TTN: variants seen among roughly 807,000 people sequenced by gnomAD.
The protein encoded by TTN is titin.
A neutral mutation model predicts 3,223.0 loss-of-function variants in TTN; 1,525 were observed. The ratio of observed to expected loss-of-function variants is 0.47; its 90% CI spans 0.45 to 0.49. TTN has a LOEUF of 0.49. Ranked by LOEUF, TTN falls within the 20% of genes least tolerant of loss-of-function variation. The probability of loss-of-function intolerance (pLI) is 0.00; values close to 1 mark genes in which losing one functional copy is unlikely to be tolerated. For synonymous variants in TTN, 14,094 were observed against 15,161.0 expected, an observed-to-expected ratio of 0.93 and a Z score of 5.17; for missense variants, 40,786 against 43,424.0, an observed-to-expected ratio of 0.94 and a Z score of 5.40.
chr2:178,551,040 A>ATTTCTC lies in TTN; in HGVS notation c.91490_91491insGAGAAA (p.Ile30497delinsMetArgAsn). 6.2e-7 allele frequency: 1 copy of ATTTCTC among 1,613,450 alleles called. No individual in the cohort carries two copies. Among genetic ancestry groups the ATTTCTC allele is most frequent in the Non-Finnish European group, 8.5e-7 (1 of 1,179,644 alleles). ...TTATAGTTCCAACAGCATTTCTTGC[A>ATTTCTC]ATTATTCTGAACTCATAGCGATCCC... On this transcript the variant is annotated protein_altering_variant, in exon 336 of 363. Transcript: ENST00000589042.
At chr2:178,697,848 A>T (rs1017222635) in intron 112 of TTN, among the ~76,000 whole-genome samples, 16 of 152,204 alleles carry the variant, frequency 1.1e-4, no homozygotes, top group Non-Finnish European at 5.9e-5. Flanking sequence ...ATCAGGAAAG[A>T]TACTGAGGTG....
At chr2:178,763,934 A>ATT (rs35168948) in intron 43 of TTN, among the ~76,000 whole-genome samples, 3 of 151,974 alleles carry the variant, frequency 2.0e-5, no homozygotes, top group Non-Finnish European at 4.4e-5. Context: ...AAAAACACTA[A>ATT]TTTTTTTATT....
Position 178,783,757 on chromosome 2 carries a change from G to C in TTN, c.2804C>G (p.Pro935Arg), listed in dbSNP as rs750633913. The C allele has an allele frequency of 3.1e-6, 5 of 1,612,784 alleles. 1 individual carries two copies. In the South Asian group the frequency reaches 5.5e-5, roughly 18 times the overall value. ...KVTETARVPA[P>R]VEIPVTPPTL... ...TGGTGGAGTAACAGGAATTTCAACA[G>C]GTGCTGGTACTCTTGCTGTTTCTGT... Residue 935 changes from proline (P) to arginine (R), a missense_variant, in exon 17 of 363, where the codon CCT becomes CGT. Physicochemically the swap from Pro to Arg is moderately radical, Grantham distance 103. Transcript: ENST00000589042.
rs754606417 is a variant in TTN, at chr2:178,587,885, A to G, written c.63508+14T>C. On this transcript the variant is annotated intron_variant, in intron 305 of 362. Coordinates refer to ENST00000589042, the MANE Select transcript of TTN (RefSeq NM_001267550.2). ...TTAAGTGTGAATGAATCACATGCTAAGGGAAGGACTTACCTAGTATTTCTT... is the reference window on the plus strand; with the variant it reads ...TTAAGTGTGAATGAATCACATGCTAGGGGAAGGACTTACCTAGTATTTCTT... 22 of 1,575,052 alleles carry G rather than the reference A, an allele frequency of 1.4e-5. No homozygotes were observed. The African/African-American group carries it at 2.7e-4, about 19-fold the overall frequency.
chr2:178,705,405 T>C, intron 102 of TTN, 48 bp from the exon 103 acceptor site: 1 of 1,346,060 alleles, frequency 7.4e-7, no homozygotes, highest in African/African-American at 1.5e-5. Flanking sequence ...CTTCTACTTA[T>C]TTTTAATTGT....
chr2:178,588,445 C>T (rs2049517681), intron 304 of TTN, 93 bp downstream of exon 304: 2 of 1,371,798 alleles, frequency 1.5e-6, no homozygotes, highest in Admixed American at 2.5e-5. Flanking sequence ...TTGGATGTTA[C>T]AGATTTAGAT....
chr2:178,532,282 G>A lies in TTN; in HGVS notation c.104333C>T (p.Thr34778Met), dbSNP rs762158917. 23 of 1,613,776 alleles carry A rather than the reference G, an allele frequency of 1.4e-5. No homozygotes were observed. In the Admixed American group the frequency reaches 2.5e-4, roughly 18 times the overall value. ...REDEELLRPVTTTQHLSEYKS... is the reference protein window; with the variant it reads ...REDEELLRPVMTTQHLSEYKS... ...GTATTCTGAGAGATGCTGGGTGGTC[G>A]TAACTGGGCGAAGCAACTCTTCATC... The change falls in exon 358 of 363, where the codon ACG becomes ATG. Residue 34778 changes from threonine (T) to methionine (M), a missense_variant. Thr to Met is a moderately conservative substitution (Grantham distance 81). Coordinates refer to ENST00000589042, the MANE Select transcript of TTN (RefSeq NM_001267550.2).
Position 178,764,660 on chromosome 2 carries a change from G to C in TTN, c.9855C>G (p.Cys3285Trp). Residue 3285 changes from cysteine (C) to tryptophan (W), a missense_variant, in exon 42 of 363, where the codon TGC becomes TGG. Transcript: ENST00000589042. ...EEQLLSTGFK[C>W]KFLHDGQEYT... ...ATTCTTGCCCATCATGAAGAAATTT[G>C]CACTTGAAGCCAGTGGAAAGCAGCT... 6.2e-7 allele frequency: 1 copy of C among 1,614,110 alleles called. No homozygotes were observed. Among genetic ancestry groups the C allele is most frequent in the South Asian group, 1.1e-5 (1 of 91,086 alleles).
rs1345455396 is a variant in TTN, at chr2:178,613,880, G to A, written c.49403C>T (p.Thr16468Ile). The A allele has an allele frequency of 4.3e-6, 7 of 1,611,364 alleles. No homozygotes were observed. The highest frequency in any genetic ancestry group is 3.3e-5 in the Admixed American group (2 of 59,732). The change falls in exon 263 of 363, where the codon ACT (threonine) becomes ATT (isoleucine). Residue 16468 changes from threonine to isoleucine, a missense_variant. Transcript: ENST00000589042. ...EPSDITKDAV[T>I]LTWCEPDDDG... ...ATCATCTGGCTCACACCATGTGAGA[G>A]TCACTGCGTCTTTAGTGATATCAGA...
chr2:178,766,420 C>T lies in TTN; in HGVS notation c.9664G>A (p.Ala3222Thr). 1.2e-6 allele frequency: 2 copies of T among 1,614,066 alleles called. No homozygotes were observed. Among genetic ancestry groups the T allele is most frequent in the Non-Finnish European group, 1.7e-6 (2 of 1,179,954 alleles). ...QSDAGEYTFV[A>T]GRNRSSVTLY... ...GTGACAGAACTCCTGTTCCTTCCTG[C>T]CACAAAGGTGTATTCTCCTGCATCG... The change falls in exon 41 of 363, where the codon GCA (alanine) becomes ACA (threonine). Residue 3222 changes from alanine (A) to threonine (T), a missense_variant. Ala to Thr is a moderately conservative substitution (Grantham distance 58). Coordinates refer to ENST00000589042, the MANE Select transcript of TTN (RefSeq NM_001267550.2).
chr2:178,796,526 G>A (rs561174323), intron 6 of TTN, among the ~76,000 whole-genome samples: 2 of 152,166 alleles, frequency 1.3e-5, no homozygotes, highest in African/African-American at 2.4e-5. Context: ...TTTACATTTT[G>A]TAAATGAAGT....
chr2:178,592,354 A>T, intron 301 of TTN, 25 bp downstream of exon 301: 1 of 1,599,016 alleles, frequency 6.3e-7, no homozygotes, highest in Non-Finnish European at 8.5e-7. Context: ...TTTATTTTTA[A>T]TGGCCTAAGT....
At position 178,779,433 on chromosome 2, in the gene TTN, T is replaced by C. The variant is rs2291308; in HGVS notation, c.3759A>G (p.Arg1253=). ...QEFHISSFEE[R]LIKEIEYRII... is the part of the protein sequence containing the mutation. ...TTCTATATTCAATTTCTTTAATAAG[T>C]CTCTCTTCAAAGGAAGAAATATGGA... Residue 1253 remains arginine, a synonymous_variant, in exon 23 of 363, where the codon AGA becomes AGG. Coordinates refer to ENST00000589042, the MANE Select transcript of TTN (RefSeq NM_001267550.2). 80,645 of 1,563,290 alleles carry C rather than the reference T, an allele frequency of 0.052. 3,615 individuals are homozygous for C. The highest frequency in any genetic ancestry group is 0.2 in the Admixed American group (12,093 of 59,296).
Position 178,734,504 on chromosome 2 carries a change from C to A in TTN, c.15320G>T (p.Ser5107Ile), listed in dbSNP as rs748973546. 44 of 1,613,522 alleles carry A rather than the reference C, an allele frequency of 2.7e-5. No homozygotes were observed. The highest frequency in any genetic ancestry group is 3.6e-5 in the Non-Finnish European group (43 of 1,179,720). The change falls in exon 52 of 363, where the codon AGC becomes ATC. Residue 5107 changes from serine to isoleucine, a missense_variant. Transcript: ENST00000589042. ...EVSGTGPFEI[S>I]WFKDKKQIRS... Reference sequence around the variant, plus strand: ...AATTTGTTTCTTGTCTTTGAACCAGCTAATTTCAAATGGTCCAGTGCCTGA... The same window carrying A: ...AATTTGTTTCTTGTCTTTGAACCAGATAATTTCAAATGGTCCAGTGCCTGA...
chr2:178,750,754 A>G lies in TTN; in HGVS notation c.11311+2370T>C, dbSNP rs2085245241. The G allele has an allele frequency of 1.9e-6, 3 of 1,613,082 alleles. No individual in the cohort carries two copies. The East Asian group carries it at 6.7e-5, about 36-fold the overall frequency. Reference sequence around the variant, plus strand: ...CTTCAACATTTACAAGTGTACCAAAAGATTCGCTGGCATGTGGTGTAATAG... The same window carrying G: ...CTTCAACATTTACAAGTGTACCAAAGGATTCGCTGGCATGTGGTGTAATAG... On this transcript the variant is annotated intron_variant, in intron 47 of 362. Transcript: ENST00000589042.
chr2:178,698,928 A>G lies in TTN; in HGVS notation c.30683-14T>C. ...CCTTTTTGGTAACTAAAAAAAAAAA[A>G]AAAGAAAAAAAAAGAAAAAATATTT... On this transcript the variant is annotated splice_polypyrimidine_tract_variant and intron_variant, in intron 111 of 362. Coordinates refer to ENST00000589042, the MANE Select transcript of TTN (RefSeq NM_001267550.2). The G allele has an allele frequency of 2.0e-6, 3 of 1,493,084 alleles. No homozygotes were observed. The highest frequency in any genetic ancestry group is 2.7e-6 in the Non-Finnish European group (3 of 1,129,524). The allele number at this position is 1,493,084 out of a possible 1,614,324, so 92.5% of individuals were successfully genotyped here.
intron 250 of TTN, 69 bp downstream of exon 250, chr2:178,619,552 A>T: frequency 6.4e-7 from 1 of 1,570,688 alleles, no homozygotes; most frequent in African/African-American, 1.4e-5. Context: ...TTACCTCATT[A>T]AATAACTGTG....
chr2:178,734,007 A>T (rs2081003729), intron 52 of TTN, 115 bp from the exon 53 acceptor site: 1 of 1,030,118 alleles, frequency 9.7e-7, no homozygotes, highest in Non-Finnish European at 1.3e-6. Context: ...CTACTATTTC[A>T]TAGTGTTAAT....
intron 124 of TTN, 66 bp from the exon 125 acceptor site, chr2:178,689,202 G>A (rs531272559): frequency 1.1e-5 from 17 of 1,586,818 alleles, no homozygotes; most frequent in Non-Finnish European, 1.4e-5. Context: ...GCAAAACAAA[G>A]AAATACACCC....
Sources: gnomAD v4.1 joint callset for allele counts (sites outside exome capture counted in the v4.1 genomes callset) on GRCh38, gnomAD v4.1.1 for gene constraint, MANE v1.5 for transcripts, NCBI Gene and HGNC (gene_info 2026-07-23, HGNC 2026-07-21) for gene names.